ATM: variants seen among roughly 807,000 people sequenced by gnomAD.
The protein encoded by ATM is ATM serine/threonine kinase, also known as serine-protein kinase ATM.
A neutral mutation model predicts 387.0 loss-of-function variants in ATM; 308 were observed. The ratio of observed to expected loss-of-function variants is 0.80; its 90% CI spans 0.73 to 0.87. ATM has a LOEUF of 0.87. Among genes scored for constraint, ATM ranks in the 40% least tolerant of loss-of-function variants. The probability of loss-of-function intolerance (pLI) is 0.00; values close to 1 mark genes in which losing one functional copy is unlikely to be tolerated. For missense variants in ATM, 3,312 were observed against 3,560.9 expected (o/e 0.93, Z 1.78); for synonymous variants, 1,156 against 1,187.3 (o/e 0.97, Z 0.54).
chr11:108,333,405 C>T (rs1395428070), intron 53 of ATM, among the ~76,000 whole-genome samples: 1 of 152,130 alleles, frequency 6.6e-6, no homozygotes, highest in African/African-American at 2.4e-5. Flanking sequence ...AAGTATGCTT[C>T]TAAGTATCTC....
At chr11:108,234,908 T>G (rs2079192654) in intron 4 of ATM, among the ~76,000 whole-genome samples, 1 of 152,160 alleles carries the variant, frequency 6.6e-6, no homozygotes, top group South Asian at 2.1e-4. Context: ...AGAACTAATT[T>G]TGCTTTCCAA....
chr11:108,320,441 G>A (rs965250720), intron 44 of ATM, among the ~76,000 whole-genome samples: 1 of 152,176 alleles, frequency 6.6e-6, no homozygotes, highest in Non-Finnish European at 1.5e-5. Flanking sequence ...GAGGCATGAG[G>A]AAATAATTAT....
chr11:108,225,778 G>C (rs188122260), intron 1 of ATM: 1 of 152,118 alleles, frequency 6.6e-6, no homozygotes, highest in Non-Finnish European at 1.5e-5. Context: ...GCCTAGCCCC[G>C]GTAGTCAGCT....
rs2086557212 is a variant in ATM, at chr11:108,333,966, A to G, written c.8008A>G (p.Lys2670Glu). 1 of 1,604,002 alleles carries G rather than the reference A, an allele frequency of 6.2e-7. No homozygotes were observed. Among genetic ancestry groups the G allele is most frequent in the South Asian group, 1.1e-5 (1 of 90,700 alleles). Residue 2670 changes from lysine (K) to glutamate (E), a missense_variant and splice_region_variant, in exon 54 of 63, where the codon AAG becomes GAG. By Grantham distance (56) the Lys-to-Glu change is moderately conservative. Around this residue, in one of 4 missense-constraint regions of ATM, gnomAD observed 1,405 missense variants for 1,604.4 expected, o/e 0.88. Transcript: ENST00000675843. ...TGTTGTTGTCCCTACTATGGAAATT[A>G]AGGTAATTTGCAATTAACTCTTGAT... The part of the protein sequence containing the change: ...EDVVVPTMEI[K>E]VDHTGEYGNL...
chr11:108,323,474 C>A (rs1295027689), intron 45 of ATM, among the ~76,000 whole-genome samples: 1 of 152,010 alleles, frequency 6.6e-6, no homozygotes, highest in African/African-American at 2.4e-5. Context: ...GAAATAAGAT[C>A]TAGTGTTTGA....
intron 15 of ATM, among the ~76,000 whole-genome samples, chr11:108,257,904 T>C (rs1247286812): frequency 6.6e-6 from 1 of 152,126 alleles, no homozygotes; most frequent in Non-Finnish European, 1.5e-5. Context: ...TGAGACAGTC[T>C]CTCACTCTTT....
intron 57 of ATM, among the ~76,000 whole-genome samples, chr11:108,343,617 T>C (rs2087889519): frequency 6.6e-6 from 1 of 152,224 alleles, no homozygotes; most frequent in African/African-American, 2.4e-5. Context: ...TGTGCTGATT[T>C]GTTTTCAATT....
At chr11:108,289,550 G>T in intron 28 of ATM, 52 bp from the exon 29 acceptor site, 1 of 1,341,228 alleles carries the variant, frequency 7.5e-7, no homozygotes, top group Non-Finnish European at 1.0e-6. Flanking sequence ...TGTATTTATT[G>T]TAGCCGAGTA....
At chr11:108,313,049 A>C (rs2084312402) in intron 40 of ATM, among the ~76,000 whole-genome samples, 1 of 152,184 alleles carries the variant, frequency 6.6e-6, no homozygotes, top group Admixed American at 6.5e-5. Flanking sequence ...TGGAGAAAAT[A>C]GAAGGCATAG....
intron 12 of ATM, 52 bp from the exon 13 acceptor site, chr11:108,253,762 G>T (rs935880857): frequency 7.2e-7 from 1 of 1,382,104 alleles, no homozygotes. Context: ...ATACATATAA[G>T]GCAAAGCATT....
intron 61 of ATM, among the ~76,000 whole-genome samples, chr11:108,361,078 T>G (rs1296478819): frequency 1.6e-5 from 2 of 123,916 alleles, no homozygotes; most frequent in Non-Finnish European, 3.3e-5. Context: ...CTCCTTAAGC[T>G]GATAAGCAAC....
At chr11:108,270,226 C>T (rs2081498779) in intron 18 of ATM, among the ~76,000 whole-genome samples, 1 of 152,086 alleles carries the variant, frequency 6.6e-6, no homozygotes, top group South Asian at 2.1e-4. Flanking sequence ...TACAAGATTG[C>T]CTTATGGGAA....
In ATM at chr11:108,310,314, A is replaced by G. The variant is rs786202089; in HGVS notation, c.5917A>G (p.Arg1973Gly). The G allele has an allele frequency of 5.0e-6, 8 of 1,612,412 alleles. No homozygotes were observed. In the Admixed American group the frequency reaches 5.0e-5, roughly 10 times the overall value. Residue 1973 changes from arginine to glycine, a missense_variant and splice_region_variant, in exon 39 of 63, where the codon AGA (arginine) becomes GGA (glycine). Physicochemically the swap from Arg to Gly is moderately radical, Grantham distance 125 (BLOSUM62 -2). Coordinates refer to ENST00000675843, the MANE Select transcript of ATM (RefSeq NM_000051.4). Reference protein sequence around the residue: ...DKKSMDDQEKRSLAFEEGSQS... With the variant: ...DKKSMDDQEKGSLAFEEGSQS... ...GAAAAGTATGGATGATCAAGAGAAA[A>G]GGTAATGGAATTTAGAATTTTTGGT...
chr11:108,283,440 AG>A (rs2082334431), intron 25 of ATM, among the ~76,000 whole-genome samples: 1 of 152,226 alleles, frequency 6.6e-6, no homozygotes. Context: ...GATGATGGGA[AG>A]GCATCTCATA....
intron 32 of ATM, chr11:108,297,011 T>C (rs1286188353): frequency 2.6e-6 from 1 of 388,334 alleles, no homozygotes; most frequent in Non-Finnish European, 4.8e-6. Flanking sequence ...TGTGCTTCTG[T>C]TTGTGATTTT....
intron 4 of ATM, among the ~76,000 whole-genome samples, chr11:108,232,740 C>T (rs1281735845): frequency 6.6e-6 from 1 of 151,768 alleles, no homozygotes; most frequent in Non-Finnish European, 1.5e-5. Flanking sequence ...AGGGTTTTGC[C>T]ATGTTGGCCA....
Position 108,265,722 on chromosome 11 carries a change from G to C in ATM, c.2467-1449G>C, listed in dbSNP as rs1363338593. Among the ~76,000 whole-genome samples the C allele has an allele frequency of 6.0e-5, 8 of 133,396 alleles. No individual in the cohort carries two copies. The East Asian group carries it at 1.7e-3, about 29-fold the overall frequency. 87.5% of individuals were successfully genotyped at this position (133,396 alleles called of 152,430 possible). The stretch of plus-strand genomic sequence containing the variant: ...ACCTACAAAATGGGAGAAAATTTTC[G>C]CAACCTACTCATCTGACAAAGGGCT... On this transcript the variant is annotated intron_variant, in intron 16 of 62. Transcript: ENST00000675843.
chr11:108,284,321 A>C lies in ATM; in HGVS notation c.3841A>C (p.Ser1281Arg). 1 of 1,614,016 alleles carries C rather than the reference A, an allele frequency of 6.2e-7. No individual in the cohort carries two copies. Among genetic ancestry groups the C allele is most frequent in the Middle Eastern group, 1.7e-4 (1 of 6,060 alleles). ...IANQIQEDWK[S>R]LLTDCFPKIL... is the part of the protein sequence containing the mutation. ...TAATCAGATTCAAGAGGACTGGAAA[A>C]GTCTTCTAACAGACTGCTTTCCAAA... is the stretch of plus-strand genomic sequence containing the variant. The change falls in exon 26 of 63, where the codon AGT (serine) becomes CGT (arginine). Residue 1281 changes from serine (S) to arginine (R), a missense_variant. Coordinates refer to ENST00000675843, the MANE Select transcript of ATM (RefSeq NM_000051.4).
At position 108,299,865 on chromosome 11, in the gene ATM, T is replaced by A. The variant is rs786203254; in HGVS notation, c.5157T>A (p.Asn1719Lys). Residue 1719 changes from asparagine to lysine, a missense_variant, in exon 34 of 63, where the codon AAT (asparagine) becomes AAA (lysine). Asn to Lys is a moderately conservative substitution (Grantham distance 94, BLOSUM62 0). Coordinates refer to ENST00000675843, the MANE Select transcript of ATM (RefSeq NM_000051.4). ...QWTFIMLTYLNNTLVEDCVKV... is the reference protein window; with the variant it reads ...QWTFIMLTYLKNTLVEDCVKV... Reference sequence around the variant, plus strand: ...CCTTCATAATGCTGACCTACCTGAATAACACACTGGTAGAAGATTGGTGAG... The same window carrying A: ...CCTTCATAATGCTGACCTACCTGAAAAACACACTGGTAGAAGATTGGTGAG... The A allele has an allele frequency of 6.2e-7, 1 of 1,613,854 alleles. No individual in the cohort carries two copies. Among genetic ancestry groups the A allele is most frequent in the Non-Finnish European group, 8.5e-7 (1 of 1,179,824 alleles).
Sources: allele counts gnomAD v4.1 joint callset (sites outside exome capture counted in the v4.1 genomes callset), GRCh38; gene constraint gnomAD v4.1.1; regional missense constraint gnomAD v4.1.1; transcripts MANE v1.5; gene names NCBI Gene and HGNC (gene_info 2026-07-23, HGNC 2026-07-21).